The following GRIN3A variants were observed in gnomAD, a reference collection of about 807,000 sequenced individuals.
GRIN3A encodes the protein glutamate ionotropic receptor NMDA type subunit 3A.
In GRIN3A, 47 loss-of-function variants were observed where a neutral mutation model predicts 92.4. The observed-to-expected ratio is 0.51, with a 90% CI of 0.40 to 0.65. The LOEUF (loss-of-function observed/expected upper bound fraction) is 0.65. GRIN3A is among the 30% of genes least tolerant of loss of function. The pLI, the probability that GRIN3A is intolerant of heterozygous loss-of-function variation, is 0.00. For synonymous variants in GRIN3A, 527 were observed against 540.6 expected (o/e 0.97, Z 0.35); for missense variants, 1,324 against 1,393.1 (o/e 0.95, Z 0.79).
chr9:101,598,905 C>T (rs867407757), intron 6 of GRIN3A, among the ~76,000 whole-genome samples: 1 of 152,170 alleles, frequency 6.6e-6, no homozygotes, highest in Non-Finnish European at 1.5e-5. Context: ...CCATCAGGCA[C>T]TCTTATGGAT....
chr9:101,615,949 C>G (rs1364844884), intron 5 of GRIN3A, among the ~76,000 whole-genome samples: 3 of 152,194 alleles, frequency 2.0e-5, no homozygotes, highest in Admixed American at 2.0e-4. Flanking sequence ...TCTTATATGG[C>G]CCAGTTCTCC....
At chr9:101,635,363 T>G (rs1216505638) in intron 3 of GRIN3A, among the ~76,000 whole-genome samples, 2 of 152,126 alleles carry the variant, frequency 1.3e-5, no homozygotes, top group African/African-American at 4.8e-5. Flanking sequence ...CTATGGCTGT[T>G]TTTGCACTAC....
At chr9:101,578,107 A>G (rs1466681527) in intron 7 of GRIN3A, among the ~76,000 whole-genome samples, 1 of 152,250 alleles carries the variant, frequency 6.6e-6, no homozygotes, top group Non-Finnish European at 1.5e-5. Flanking sequence ...GGTATGTGAT[A>G]TAAGGAGGCA....
At chr9:101,697,005 T>C (rs1717995292) in intron 1 of GRIN3A, among the ~76,000 whole-genome samples, 1 of 152,210 alleles carries the variant, frequency 6.6e-6, no homozygotes, top group African/African-American at 2.4e-5. Context: ...TTATATATAT[T>C]GGTTTATCAC....
chr9:101,638,751 G>C (rs1420644990), intron 3 of GRIN3A, among the ~76,000 whole-genome samples: 5 of 152,244 alleles, frequency 3.3e-5, no homozygotes, highest in African/African-American at 1.2e-4. Context: ...ACTGGGCAGA[G>C]CTGGTTCTAT....
chr9:101,602,223 T>C (rs902816907), intron 6 of GRIN3A, among the ~76,000 whole-genome samples: 1 of 152,216 alleles, frequency 6.6e-6, no homozygotes, highest in Non-Finnish European at 1.5e-5. Context: ...TGTCCTCAGA[T>C]ACCCTGGAGG....
chr9:101,627,444 C>T (rs893366235), intron 4 of GRIN3A, among the ~76,000 whole-genome samples: 1 of 151,888 alleles, frequency 6.6e-6, no homozygotes, highest in Non-Finnish European at 1.5e-5. Context: ...TCCTGCTGTC[C>T]ATTGGGGAGA....
chr9:101,637,242 T>G (rs1002573091), intron 3 of GRIN3A, among the ~76,000 whole-genome samples: 1 of 152,024 alleles, frequency 6.6e-6, no homozygotes. Flanking sequence ...ACAGGCGCCC[T>G]CCACCACGCC....
intron 1 of GRIN3A, among the ~76,000 whole-genome samples, chr9:101,706,463 T>G (rs952870835): frequency 6.6e-6 from 1 of 152,234 alleles, no homozygotes; most frequent in Non-Finnish European, 1.5e-5. Context: ...TTGATTCTTT[T>G]GTGACCCATT....
intron 3 of GRIN3A, among the ~76,000 whole-genome samples, chr9:101,629,289 G>A (rs1448419206): frequency 4.6e-5 from 7 of 151,860 alleles, no homozygotes; most frequent in African/African-American, 1.4e-4. Flanking sequence ...ACACACATAC[G>A]CACATGCACA....
At chr9:101,605,915 A>G (rs898254545) in intron 6 of GRIN3A, among the ~76,000 whole-genome samples, 9 of 152,218 alleles carry the variant, frequency 5.9e-5, no homozygotes, top group African/African-American at 2.2e-4. Context: ...TTCAGCAAGA[A>G]AATCTTGTAA....
In GRIN3A at chr9:101,586,678, G is replaced by T. The variant is rs1033424620; in HGVS notation, c.2767-7318C>A. Among the ~76,000 whole-genome samples, 4 of 152,146 alleles carry T rather than the reference G, an allele frequency of 2.6e-5. No individual in the cohort carries two copies. The East Asian group carries it at 7.7e-4, about 29-fold the overall frequency. ...GCAAAAATTTCAGGAGGAATGTATT[G>T]ATTTTGTTTTCTTAGGATCCTTTCT... On this transcript the variant is annotated intron_variant, in intron 6 of 8. Transcript: ENST00000361820.
At chr9:101,725,304 A>T (rs2210993) in intron 1 of GRIN3A, among the ~76,000 whole-genome samples, 132,936 of 152,176 alleles carry the variant, frequency 0.87, 58,435 homozygotes, top group Middle Eastern at 0.94. Context: ...AGCAGCAGTG[A>T]GCAGAATGGT....
chr9:101,708,304 A>G (rs1202088710), intron 1 of GRIN3A, among the ~76,000 whole-genome samples: 2 of 152,312 alleles, frequency 1.3e-5, no homozygotes, highest in African/African-American at 4.8e-5. Context: ...ATGCAGAGCA[A>G]TGTGTTGTCC....
intron 1 of GRIN3A, among the ~76,000 whole-genome samples, chr9:101,732,649 A>T (rs1465237351): frequency 6.6e-6 from 1 of 152,182 alleles, no homozygotes; most frequent in Non-Finnish European, 1.5e-5. Flanking sequence ...CAAACATTTT[A>T]CATGTGAATC....
At chr9:101,711,910 A>T (rs1829884027) in intron 1 of GRIN3A, among the ~76,000 whole-genome samples, 1 of 152,172 alleles carries the variant, frequency 6.6e-6, no homozygotes, top group Admixed American at 6.5e-5. Context: ...GCCCTCGGAG[A>T]TACCATCAAC....
chr9:101,702,816 T>C (rs1829771898), intron 1 of GRIN3A, among the ~76,000 whole-genome samples: 1 of 152,194 alleles, frequency 6.6e-6, no homozygotes, highest in African/African-American at 2.4e-5. Flanking sequence ...CTCAAAGCCC[T>C]TCTCAAGTCA....
chr9:101,642,158 C>T (rs1828874724), intron 3 of GRIN3A, among the ~76,000 whole-genome samples: 1 of 151,956 alleles, frequency 6.6e-6, no homozygotes, highest in Non-Finnish European at 1.5e-5. Context: ...AATAGAGAAC[C>T]CCAAAATAAA....
intron 1 of GRIN3A, among the ~76,000 whole-genome samples, chr9:101,687,753 A>G (rs1358099228): frequency 6.6e-6 from 1 of 152,210 alleles, no homozygotes; most frequent in Non-Finnish European, 1.5e-5. Flanking sequence ...AATTTTCAAT[A>G]CATACATCAA....
Sources: gnomAD v4.1 joint callset for allele counts (sites outside exome capture counted in the v4.1 genomes callset) on GRCh38, gnomAD v4.1.1 for gene constraint, MANE v1.5 for transcripts, NCBI Gene and HGNC (gene_info 2026-07-23, HGNC 2026-07-21) for gene names.